Variants in SGSM1 observed in about 807,000 individuals in gnomAD.
The protein encoded by SGSM1 is small G protein signaling modulator 1, also known as RUN and TBC1 domain containing 2.
A neutral mutation model predicts 133.8 loss-of-function variants in SGSM1; 73 were observed. The observed-to-expected ratio is 0.55, with a 90% CI of 0.45 to 0.66. SGSM1 has a LOEUF of 0.66. SGSM1 is among the 30% of genes least tolerant of loss of function. SGSM1 has a pLI of 0.00. For missense variants in SGSM1, 1,213 were observed against 1,448.1 expected (o/e 0.84, Z 2.64); for synonymous variants, 563 against 573.0 (o/e 0.98, Z 0.25).
At chr22:24,855,481 G>A (rs1930718324) in intron 7 of SGSM1, 51 bp downstream of exon 7, 3 of 1,613,022 alleles carry the variant, frequency 1.9e-6, no homozygotes, top group African/African-American at 2.7e-5. Flanking sequence ...ATGAGGGCAG[G>A]AAGCAGGGTA....
At chr22:24,881,591 C>A (rs371207352) in intron 14 of SGSM1, among the ~76,000 whole-genome samples, 8 of 150,058 alleles carry the variant, frequency 5.3e-5, no homozygotes, top group African/African-American at 1.7e-4. Flanking sequence ...CAAAACAAAA[C>A]AAAAAAAACC....
At chr22:24,905,804 A>AT (rs940639668) in intron 21 of SGSM1, among the ~76,000 whole-genome samples, 1 of 151,192 alleles carries the variant, frequency 6.6e-6, no homozygotes, top group Non-Finnish European at 1.5e-5. Flanking sequence ...AAAAAAAAAA[A>AT]GAAAAGAAGA....
chr22:24,901,722 A>G, intron 19 of SGSM1, 111 bp from the exon 20 acceptor site: 3 of 1,200,126 alleles, frequency 2.5e-6, no homozygotes, highest in Non-Finnish European at 2.3e-6. Context: ...ATGTATTTTC[A>G]GTGACAACAG....
At chr22:24,919,624 G>T (rs1229532543) in intron 23 of SGSM1, among the ~76,000 whole-genome samples, 1 of 152,186 alleles carries the variant, frequency 6.6e-6, no homozygotes, top group Non-Finnish European at 1.5e-5. Flanking sequence ...TCCTACAGAT[G>T]GGGAAAACTG....
intron 2 of SGSM1, among the ~76,000 whole-genome samples, chr22:24,818,740 G>T (rs1014606725): frequency 1.3e-5 from 2 of 152,100 alleles, no homozygotes; most frequent in Non-Finnish European, 2.9e-5. Flanking sequence ...CCTGCAGAAC[G>T]GTGTGATACA....
intron 22 of SGSM1, among the ~76,000 whole-genome samples, chr22:24,915,098 G>A (rs764114718): frequency 1.3e-5 from 2 of 152,116 alleles, no homozygotes; most frequent in Admixed American, 1.3e-4. Flanking sequence ...GCGCGGTGGC[G>A]GGCGCCTGTA....
chr22:24,855,398 C>G lies in SGSM1; in HGVS notation c.637C>G (p.Gln213Glu). 1 of 1,613,574 alleles carries G rather than the reference C, an allele frequency of 6.2e-7. No homozygotes were observed. The highest frequency in any genetic ancestry group is 8.5e-7 in the Non-Finnish European group (1 of 1,179,824). The change falls in exon 7 of 25, where the codon CAG (glutamine) becomes GAG (glutamate). Residue 213 changes from glutamine to glutamate, a missense_variant. Physicochemically the swap from Gln to Glu is conservative, Grantham distance 29. Coordinates refer to ENST00000400358, the MANE Select transcript of SGSM1 (RefSeq NM_001098497.3). ...CCGCATCCACAGCTCCCACGTGCGG[C>G]AGGACTCGCCCACCAAGCGTCCTGC... ...RHRIHSSHVR[Q>E]DSPTKRPALC...
At chr22:24,894,199 T>A (rs1932865418) in intron 17 of SGSM1, among the ~76,000 whole-genome samples, 1 of 151,494 alleles carries the variant, frequency 6.6e-6, no homozygotes, top group Non-Finnish European at 1.5e-5. Flanking sequence ...AGGTCAGGAG[T>A]TCAAGACCAG....
Position 24,879,525 on chromosome 22 carries a change from A to T in SGSM1, c.1494A>T (p.Gly498=). Residue 498 remains glycine, a splice_region_variant and synonymous_variant, in exon 14 of 25, where the codon GGA becomes GGT. Coordinates refer to ENST00000400358, the MANE Select transcript of SGSM1 (RefSeq NM_001098497.3). ...AGATCCTCTCCAGAGCCTTCTATGG[A>T]TGTACGTATAGGGCTCCATTGCCAG... The part of the protein sequence containing the change: ...KYQILSRAFY[G]WLAYCRHLST... 6.2e-7 allele frequency: 1 copy of T among 1,613,296 alleles called. No individual in the cohort carries two copies. The highest frequency in any genetic ancestry group is 1.1e-5 in the South Asian group (1 of 90,732).
intron 20 of SGSM1, among the ~76,000 whole-genome samples, chr22:24,903,698 A>G (rs764648114): frequency 4.6e-5 from 7 of 152,186 alleles, no homozygotes. Context: ...TAAGAAAACT[A>G]AAGAAACCAT....
In SGSM1 at chr22:24,924,511, G is replaced by T. The variant is rs1272475378; in HGVS notation, c.*237G>T. ...TTTGACCAAAGATTGCCCAAGTCTG[G>T]CGTTCCTCCCTTGCAGGAGGTGGAG... On this transcript the variant is annotated 3_prime_UTR_variant, in exon 25 of 25. Transcript: ENST00000400358. The T allele has an allele frequency of 1.9e-6, 1 of 527,274 alleles. No homozygotes were observed. The highest frequency in any genetic ancestry group is 3.4e-6 in the Non-Finnish European group (1 of 294,130). 32.7% of individuals were successfully genotyped at this position (527,274 alleles called of 1,614,324 possible). A position where few individuals can be genotyped will look rare whatever the true frequency, so the allele number is the denominator to read the frequency against.
At position 24,860,886 on chromosome 22, in the gene SGSM1, C is replaced by T. The variant is rs1339231896; in HGVS notation, c.926+1046C>T. Among the ~76,000 whole-genome samples, 10 of 92,980 alleles carry T rather than the reference C, an allele frequency of 1.1e-4. No homozygotes were observed. The South Asian group carries it at 1.2e-3, about 11-fold the overall frequency. The allele number at this position is 92,980 out of a possible 152,430, so 61.0% of individuals were successfully genotyped here. ...CTGCACTCCAGCCTGGGTGACAGAG[C>T]GAGACTGTCTTAAAAAAAAAAAAAA... On this transcript the variant is annotated intron_variant, in intron 9 of 24. Transcript: ENST00000400358.
At chr22:24,852,918 C>T (rs140005867) in intron 5 of SGSM1, among the ~76,000 whole-genome samples, 3 of 152,256 alleles carry the variant, frequency 2.0e-5, no homozygotes, top group Non-Finnish European at 4.4e-5. Context: ...TTGAATAAGT[C>T]CAGAGCATGT....
chr22:24,820,245 GGAGCCTTCTGGTCAAGGGGTGTCT>G (rs1189021761), intron 2 of SGSM1, among the ~76,000 whole-genome samples: 3 of 152,110 alleles, frequency 2.0e-5, no homozygotes, highest in Admixed American at 6.5e-5. Flanking sequence ...AGGCCCCGGG[GGAGCCTTCTGGTCAAGGGGTGTCT>G]GAGGAACCTG....
intron 2 of SGSM1, among the ~76,000 whole-genome samples, chr22:24,837,529 A>G (rs1346131051): frequency 6.7e-6 from 1 of 149,654 alleles, no homozygotes; most frequent in African/African-American, 2.5e-5. Context: ...GGCCCTCCAC[A>G]AGAGGTGGAG....
chr22:24,897,993 G>A lies in SGSM1; in HGVS notation c.2044G>A (p.Val682Met). 6.2e-7 allele frequency: 1 copy of A among 1,604,824 alleles called. No individual in the cohort carries two copies. Among genetic ancestry groups the A allele is most frequent in the Non-Finnish European group, 8.5e-7 (1 of 1,175,684 alleles). Residue 682 changes from valine to methionine, a missense_variant, in exon 19 of 25, where the codon GTG becomes ATG. Val to Met is a conservative substitution (Grantham distance 21, BLOSUM62 1). Transcript: ENST00000400358. ...STQVFESVDE[V>M]EQVEAEGRLE... is the part of the protein sequence containing the mutation. ...TCAGGTGTTTGAGTCTGTGGATGAGGTGGAGCAGGTGGAGGCTGAAGGCAG... is the reference window on the plus strand; with the variant it reads ...TCAGGTGTTTGAGTCTGTGGATGAGATGGAGCAGGTGGAGGCTGAAGGCAG...
chr22:24,864,390 A>G (rs1335309427), intron 9 of SGSM1, among the ~76,000 whole-genome samples: 1 of 152,226 alleles, frequency 6.6e-6, no homozygotes, highest in South Asian at 2.1e-4. Flanking sequence ...ATTATTCATA[A>G]TAGCCCAAGA....
At chr22:24,870,826 A>G (rs1337354868) in intron 12 of SGSM1, among the ~76,000 whole-genome samples, 2 of 152,210 alleles carry the variant, frequency 1.3e-5, no homozygotes, top group Admixed American at 6.5e-5. Context: ...AAACTCTGAC[A>G]TACATGTTCG....
chr22:24,920,013 C>T lies in SGSM1; in HGVS notation c.3193+20C>T. On this transcript the variant is annotated intron_variant, in intron 24 of 24. Coordinates refer to ENST00000400358, the MANE Select transcript of SGSM1 (RefSeq NM_001098497.3). The stretch of plus-strand genomic sequence containing the variant: ...TTAATGGTACCCACATGACTGGGGC[C>T]TCATGAGAGGGGTGCAGGCTTCTGG... The T allele has an allele frequency of 5.1e-6, 8 of 1,575,526 alleles. No individual in the cohort carries two copies. The highest frequency in any genetic ancestry group is 6.9e-6 in the Non-Finnish European group (8 of 1,160,572).
Sources: allele counts gnomAD v4.1 joint callset (sites outside exome capture counted in the v4.1 genomes callset), GRCh38; gene constraint gnomAD v4.1.1; transcripts MANE v1.5; gene names NCBI Gene and HGNC (gene_info 2026-07-23, HGNC 2026-07-21).